Variants in LIN52 observed in about 807,000 individuals in gnomAD.
LIN52 encodes protein lin-52 homolog.
A neutral mutation model predicts 18.5 loss-of-function variants in LIN52; 4 were observed. The observed-to-expected ratio is 0.22, with a 90% CI of 0.11 to 0.49. LIN52 has a LOEUF of 0.49. Ranked by LOEUF, LIN52 falls within the 20% of genes least tolerant of loss-of-function variation. The pLI is 0.97. For synonymous variants in LIN52, 34 were observed against 45.5 expected (o/e 0.75, Z 1.02); for missense variants, 102 against 139.5 (o/e 0.73, Z 1.35).
intron 5 of LIN52, among the ~76,000 whole-genome samples, chr14:74,155,426 G>T (rs1010605090): frequency 1.3e-5 from 2 of 152,184 alleles, no homozygotes; most frequent in African/African-American, 4.8e-5. Flanking sequence ...GGAAATCAGG[G>T]CTTCATGTTT....
intron 5 of LIN52, among the ~76,000 whole-genome samples, chr14:74,102,511 A>G (rs2060865127): frequency 6.6e-6 from 1 of 152,238 alleles, no homozygotes; most frequent in African/African-American, 2.4e-5. Context: ...ATTAAAGTTT[A>G]TACCTTGGCA....
Position 74,089,854 on chromosome 14 carries a change from G to A in LIN52, c.20-1378G>A, listed in dbSNP as rs1483522593. Among the ~76,000 whole-genome samples the A allele has an allele frequency of 2.6e-5, 4 of 152,092 alleles. No homozygotes were observed. In the East Asian group the frequency reaches 5.8e-4, roughly 22 times the overall value. On this transcript the variant is annotated intron_variant, in intron 1 of 5. Transcript: ENST00000555028. ...TAACCGCAGGACATACGACAGGGGT[G>A]TGGCTTGTCTGTGTGCACTCAATCC... is the stretch of plus-strand genomic sequence containing the variant.
intron 5 of LIN52, among the ~76,000 whole-genome samples, chr14:74,126,858 G>A (rs932310832): frequency 6.6e-6 from 1 of 152,218 alleles, no homozygotes; most frequent in South Asian, 2.1e-4. Context: ...CCACTGAATT[G>A]TATACTTCAA....
chr14:74,109,700 C>A (rs1036255596), intron 5 of LIN52, among the ~76,000 whole-genome samples: 1 of 152,090 alleles, frequency 6.6e-6, no homozygotes, highest in African/African-American at 2.4e-5. Context: ...GTACTTTATT[C>A]TTTTTGATGC....
intron 5 of LIN52, among the ~76,000 whole-genome samples, chr14:74,111,058 A>AT (rs2060923737): frequency 6.6e-6 from 1 of 152,064 alleles, no homozygotes; most frequent in African/African-American, 2.4e-5. Flanking sequence ...CAACTTTACT[A>AT]TTTGGTACTT....
At chr14:74,114,039 GGT>G in intron 5 of LIN52, 1 of 450,692 alleles carries the variant, frequency 2.2e-6, no homozygotes, top group African/African-American at 2.2e-5. Context: ...GGAGTGCAAT[GGT>G]GTGATCTTGG....
At chr14:74,162,552 AT>A (rs900815282) in intron 5 of LIN52, among the ~76,000 whole-genome samples, 8 of 143,900 alleles carry the variant, frequency 5.6e-5, no homozygotes, top group African/African-American at 1.8e-4. Flanking sequence ...TTATTTATTT[AT>A]TTTTTTATTG....
At chr14:74,143,129 T>C (rs774873553) in intron 5 of LIN52, among the ~76,000 whole-genome samples, 4 of 152,058 alleles carry the variant, frequency 2.6e-5, no homozygotes, top group African/African-American at 4.8e-5. Context: ...GAAAATAGTT[T>C]ATAGTATAAA....
rs60808992 is a variant in LIN52 at position 74,158,125 on chromosome 14, A to ATTT, written c.284-40792_284-40790dup. Among the ~76,000 whole-genome samples the ATTT allele has an allele frequency of 9.7e-3, 1,431 of 147,752 alleles. 32 individuals are homozygous for ATTT. The highest frequency in any genetic ancestry group is 0.033 in the African/African-American group (1,336 of 40,496). ...CACTGCTATATATATATATATATAT[A>ATTT]TTTTTTTGAGATAGAGTCTCCCTCT... On this transcript the variant is annotated intron_variant, in intron 5 of 5. Coordinates refer to ENST00000555028, the MANE Select transcript of LIN52 (RefSeq NM_001024674.3).
chr14:74,146,666 T>G (rs753948083), intron 5 of LIN52, among the ~76,000 whole-genome samples: 14 of 152,154 alleles, frequency 9.2e-5, no homozygotes, highest in Non-Finnish European at 1.8e-4. Flanking sequence ...AAATCAACAC[T>G]GACAAGTTAA....
intron 5 of LIN52, among the ~76,000 whole-genome samples, chr14:74,116,830 GTT>G (rs773924970): frequency 2.1e-5 from 3 of 140,156 alleles, no homozygotes; most frequent in Admixed American, 7.2e-5. Flanking sequence ...TACAGCAGGT[GTT>G]TTTTTTTTTT....
At chr14:74,139,669 T>C (rs114976123) in intron 5 of LIN52, among the ~76,000 whole-genome samples, 1,572 of 152,306 alleles carry the variant, frequency 0.01, 12 homozygotes, top group Middle Eastern at 0.027. Flanking sequence ...GAACCTGCTA[T>C]AGATATTTCC....
chr14:74,182,829 G>A lies in LIN52; in HGVS notation c.284-16093G>A, dbSNP rs181160085. On this transcript the variant is annotated intron_variant, in intron 5 of 5. Coordinates refer to ENST00000555028, the MANE Select transcript of LIN52 (RefSeq NM_001024674.3). ...TTTTGTAGAAGCAACATGTTAAGCCGGGCAGTTTCCCTCATAGTTGTTTTA... is the reference window on the plus strand; with the variant it reads ...TTTTGTAGAAGCAACATGTTAAGCCAGGCAGTTTCCCTCATAGTTGTTTTA... Among the ~76,000 whole-genome samples, 289 of 152,126 alleles carry A rather than the reference G, an allele frequency of 1.9e-3. 2 individuals are homozygous for A. The highest frequency in any genetic ancestry group is 6.6e-3 in the African/African-American group (276 of 41,510).
intron 2 of LIN52, among the ~76,000 whole-genome samples, chr14:74,091,773 C>CAA (rs573705378): frequency 2.5e-3 from 159 of 64,846 alleles, no homozygotes; most frequent in East Asian, 5.0e-3. Flanking sequence ...GACTCTGTCT[C>CAA]AAAAAAAAAA....
At chr14:74,105,802 G>A (rs2060894018) in intron 5 of LIN52, among the ~76,000 whole-genome samples, 1 of 152,108 alleles carries the variant, frequency 6.6e-6, no homozygotes, top group Non-Finnish European at 1.5e-5. Context: ...GAAAAAAAAT[G>A]CAAAAAATAT....
At position 74,178,542 on chromosome 14, in the gene LIN52, C is replaced by A. The variant is rs2058392; in HGVS notation, c.284-20380C>A. Among the ~76,000 whole-genome samples the A allele has an allele frequency of 7.2e-3, 1,086 of 151,720 alleles. 14 individuals are homozygous for A. Among genetic ancestry groups the A allele is most frequent in the African/African-American group, 0.025 (1,032 of 41,364 alleles). ...GTGCGATTTTGGCTCACTGCAAACT[C>A]TGCCTCCTGGGTTCAAGTGATTCTC... On this transcript the variant is annotated intron_variant, in intron 5 of 5. Coordinates refer to ENST00000555028, the MANE Select transcript of LIN52 (RefSeq NM_001024674.3).
intron 1 of LIN52, among the ~76,000 whole-genome samples, chr14:74,088,447 T>C (rs554448083): frequency 8.5e-5 from 13 of 152,258 alleles, no homozygotes; most frequent in African/African-American, 2.9e-4. Context: ...GGTCTCAAAC[T>C]CCTGGGCTCA....
At chr14:74,152,996 A>G (rs896765940) in intron 5 of LIN52, among the ~76,000 whole-genome samples, 1 of 151,110 alleles carries the variant, frequency 6.6e-6, no homozygotes, top group African/African-American at 2.4e-5. Context: ...AGGACCATAG[A>G]TAGTATTTTT....
At chr14:74,198,010 A>G (rs1013868319) in intron 5 of LIN52, among the ~76,000 whole-genome samples, 15 of 152,210 alleles carry the variant, frequency 9.9e-5, no homozygotes, top group South Asian at 2.1e-4. Flanking sequence ...TGCCTACTGC[A>G]TGGTTCCAGA....
Sources: gnomAD v4.1 joint callset for allele counts (sites outside exome capture counted in the v4.1 genomes callset) on GRCh38, gnomAD v4.1.1 for gene constraint, MANE v1.5 for transcripts, NCBI Gene and HGNC (gene_info 2026-07-23, HGNC 2026-07-21) for gene names.